The following HESX1 variants were observed in gnomAD, a reference collection of about 807,000 sequenced individuals.
HESX1 encodes the protein HESX homeobox 1, also known as homeobox expressed in ES cells 1.
Under a neutral mutation model 22.5 loss-of-function variants are expected in HESX1, and 11 were observed. The ratio of observed to expected loss-of-function variants is 0.49; its 90% confidence interval spans 0.31 to 0.81. The LOEUF (loss-of-function observed/expected upper bound fraction) is 0.81. HESX1 is among the 30% of genes least tolerant of loss of function. The pLI, the probability that HESX1 is intolerant of heterozygous loss-of-function variation, is 0.05. For synonymous variants in HESX1, 74 were observed against 76.5 expected (o/e 0.97, Z 0.17); for missense variants, 201 against 212.6 (o/e 0.95, Z 0.34).
chr3:57,201,964 G>A (rs984544572), upstream of HESX1, among the ~76,000 whole-genome samples: 1 of 151,426 alleles, frequency 6.6e-6, no homozygotes, highest in Non-Finnish European at 1.5e-5. Flanking sequence ...TGTCGCCCAG[G>A]CTGGAGTGCA....
At chr3:57,216,184 C>G (rs1005052357) in intron 1 of HESX1, among the ~76,000 whole-genome samples, 1 of 152,224 alleles carries the variant, frequency 6.6e-6, no homozygotes, top group African/African-American at 2.4e-5. Context: ...AGTTCAGAAT[C>G]ACACATTGTC....
At position 57,198,008 on chromosome 3, in the gene HESX1, G is replaced by T; in HGVS notation, c.*189C>A. On this transcript the variant is annotated 3_prime_UTR_variant, in exon 4 of 4. Coordinates refer to ENST00000295934, the MANE Select transcript of HESX1 (RefSeq NM_003865.3). ...ATGTTTATTAAAATATATATAAAAG[G>T]TCTTTACTATAACTAAAAGTGCCCA... The T allele has an allele frequency of 4.1e-6, 2 of 486,542 alleles. No homozygotes were observed. The highest frequency in any genetic ancestry group is 3.7e-5 in the South Asian group (1 of 27,064). The allele number at this position is 486,542 out of a possible 1,614,324, so 30.1% of individuals were successfully genotyped here.
intron 1 of HESX1, among the ~76,000 whole-genome samples, chr3:57,220,690 C>G (rs1179593449): frequency 2.0e-5 from 3 of 152,192 alleles, no homozygotes; most frequent in Non-Finnish European, 4.4e-5. Context: ...CTTGGCCTCC[C>G]AAAGTGCTGG....
intron 1 of HESX1, among the ~76,000 whole-genome samples, chr3:57,218,732 C>T (rs2060598170): frequency 6.6e-6 from 1 of 152,142 alleles, no homozygotes. Flanking sequence ...CGTGAGCCAC[C>T]ATGCCCAGCC....
Position 57,199,941 on chromosome 3 carries a change from A to G in HESX1, c.-23T>C. On this transcript the variant is annotated 5_prime_UTR_variant, in exon 1 of 4. Transcript: ENST00000295934. ...CATCCTCTCGTGGTCTGCACAGAGC[A>G]ACAGCTCTGGCCTCTGCTGGCTCTG... 1 of 1,611,082 alleles carries G rather than the reference A, an allele frequency of 6.2e-7. No homozygotes were observed. Among genetic ancestry groups the G allele is most frequent in the Admixed American group, 1.7e-5 (1 of 60,022 alleles).
At chr3:57,221,415 C>G (rs2060615376) in intron 1 of HESX1, among the ~76,000 whole-genome samples, 2 of 152,068 alleles carry the variant, frequency 1.3e-5, no homozygotes, top group African/African-American at 4.8e-5. Flanking sequence ...CCTCAGCCTC[C>G]CAAAGTGCTG....
At chr3:57,204,072 G>A (rs150608269), upstream of HESX1, among the ~76,000 whole-genome samples, 294 of 152,336 alleles carry the variant, frequency 1.9e-3, 4 homozygotes, top group African/African-American at 6.7e-3. Flanking sequence ...CTTGCAGCCT[G>A]CAGCCAAGTC....
At chr3:57,215,415 G>C (rs1011782518) in intron 1 of HESX1, among the ~76,000 whole-genome samples, 2 of 152,022 alleles carry the variant, frequency 1.3e-5, no homozygotes, top group Non-Finnish European at 2.9e-5. Flanking sequence ...CACTGTCCAG[G>C]ACCCAAAGTT....
chr3:57,225,865 ACTTTT>A lies in HESX1; in HGVS notation c.-111+426_-111+430del, dbSNP rs1365370761. Among the ~76,000 whole-genome samples the A allele has an allele frequency of 7.6e-4, 112 of 147,840 alleles. No individual in the cohort carries two copies. In the Middle Eastern group the frequency reaches 0.011, roughly 15 times the overall value. Reference sequence around the variant, plus strand: ...TGGCCAAGTTAATTAGGTAACAAATACTTTTCTTTTCTTTTCTTTTTTTTTTTTTT... The same window carrying A: ...TGGCCAAGTTAATTAGGTAACAAATACTTTTCTTTTCTTTTTTTTTTTTTT... On this transcript the variant is annotated intron_variant, in intron 1 of 2. Coordinates refer to the HESX1 transcript ENST00000495160.
rs2060606308 is a variant in HESX1 at position 57,220,054 on chromosome 3, T to C, written c.-111+6242A>G. Among the ~76,000 whole-genome samples, 4 of 152,220 alleles carry C rather than the reference T, an allele frequency of 2.6e-5. No homozygotes were observed. The South Asian group carries it at 8.3e-4, about 32-fold the overall frequency. Reference sequence around the variant, plus strand: ...AAGGGTCCAGTTTCAATCTTCGACATATGGCTTGCCAGATAGTCCAGCACC... The same window carrying C: ...AAGGGTCCAGTTTCAATCTTCGACACATGGCTTGCCAGATAGTCCAGCACC... On this transcript the variant is annotated intron_variant, in intron 1 of 2. Coordinates refer to the HESX1 transcript ENST00000495160.
chr3:57,198,856 G>A lies in HESX1; in HGVS notation c.254C>T (p.Ser85Leu), dbSNP rs149663188. The change falls in exon 2 of 4, where the codon TCG becomes TTG. Residue 85 changes from serine to leucine, a missense_variant. Ser to Leu is a moderately radical substitution (Grantham distance 145). Coordinates refer to ENST00000295934, the MANE Select transcript of HESX1 (RefSeq NM_003865.3). ...GGCTGAAAAGTAATTTTCATATTTC[G>A]AAGCTCTTTCTTCTGGCATTGGGTG... is the stretch of plus-strand genomic sequence containing the variant. ...VDHPMPEERA[S>L]KYENYFSASE... The A allele has an allele frequency of 1.2e-5, 19 of 1,613,874 alleles. No homozygotes were observed. The highest frequency in any genetic ancestry group is 3.3e-5 in the Admixed American group (2 of 59,978).
rs922229190 is a variant in HESX1, at chr3:57,223,446, A to G, written c.-111+2850T>C. Among the ~76,000 whole-genome samples, 103 of 152,194 alleles carry G rather than the reference A, an allele frequency of 6.8e-4. 3 individuals are homozygous for G. Among genetic ancestry groups the G allele is most frequent in the Non-Finnish European group, 1.5e-4 (10 of 68,032 alleles). On this transcript the variant is annotated intron_variant, in intron 1 of 2. Coordinates refer to the HESX1 transcript ENST00000495160. ...AGCTGCAGAATTGTCCCACATTCTA[A>G]GGATGCTGTGGCAATGAGTAAAAGT...
At chr3:57,220,337 C>G (rs1325920294) in intron 1 of HESX1, among the ~76,000 whole-genome samples, 1 of 152,174 alleles carries the variant, frequency 6.6e-6, no homozygotes, top group Admixed American at 6.5e-5. Flanking sequence ...TGTGATTTAG[C>G]TAAATCACTA....
At chr3:57,207,530 A>G (rs1171448879) in intron 1 of HESX1, among the ~76,000 whole-genome samples, 1 of 152,210 alleles carries the variant, frequency 6.6e-6, no homozygotes, top group Non-Finnish European at 1.5e-5. Flanking sequence ...TGGACTTTCC[A>G]TATCAGTACT....
chr3:57,206,649 G>C (rs1322762708), intron 1 of HESX1, among the ~76,000 whole-genome samples: 1 of 152,174 alleles, frequency 6.6e-6, no homozygotes, highest in Non-Finnish European at 1.5e-5. Context: ...TCGCCTCCAA[G>C]GGCAAATAAC....
intron 1 of HESX1, among the ~76,000 whole-genome samples, chr3:57,212,375 G>A (rs960045752): frequency 1.3e-5 from 2 of 151,682 alleles, no homozygotes; most frequent in South Asian, 2.1e-4. Flanking sequence ...CCTGGCCAAC[G>A]TGGTGAAACC....
upstream of HESX1, among the ~76,000 whole-genome samples, chr3:57,227,445 C>G (rs2060654260): frequency 6.6e-6 from 1 of 152,240 alleles, no homozygotes; most frequent in East Asian, 1.9e-4. Flanking sequence ...AGTCAACCCG[C>G]CCCAAATTCC....
At chr3:57,208,737 G>A (rs1383352342) in intron 1 of HESX1, among the ~76,000 whole-genome samples, 1 of 148,930 alleles carries the variant, frequency 6.7e-6, no homozygotes, top group East Asian at 2.1e-4. Context: ...GAGGCGGGCG[G>A]ATCACTTGAG....
At chr3:57,221,851 C>T (rs550102352) in intron 1 of HESX1, among the ~76,000 whole-genome samples, 9 of 152,298 alleles carry the variant, frequency 5.9e-5, no homozygotes, top group Admixed American at 2.0e-4. Flanking sequence ...GTGATCCACC[C>T]GCCTTGGCCT....
Sources: allele counts gnomAD v4.1 joint callset (sites outside exome capture counted in the v4.1 genomes callset), GRCh38; gene constraint gnomAD v4.1.1; transcripts MANE v1.5; gene names NCBI Gene and HGNC (gene_info 2026-07-23, HGNC 2026-07-21).